Variants in LINGO2 observed in about 807,000 individuals in gnomAD.
LINGO2 encodes the protein leucine rich repeat and Ig domain containing 2.
LINGO2 carries 14 observed loss-of-function variants against 30.6 expected under a neutral mutation model. The ratio of observed to expected loss-of-function variants is 0.46; its 90% CI spans 0.30 to 0.72. The LOEUF is 0.72. Among genes scored for constraint, LINGO2 ranks in the 30% least tolerant of loss-of-function variants. The pLI is 0.07. For synonymous variants in LINGO2, 317 were observed against 288.5 expected, an observed-to-expected ratio of 1.10 and a Z score of -1.00; for missense variants, 729 against 751.7, an observed-to-expected ratio of 0.97 and a Z score of 0.35.
At chr9:28,380,811 GA>G (rs1171046961) in intron 2 of LINGO2, among the ~76,000 whole-genome samples, 2 of 152,044 alleles carry the variant, frequency 1.3e-5, no homozygotes, top group Non-Finnish European at 2.9e-5. Flanking sequence ...CTTAAAATAA[GA>G]ACATGGAACA....
chr9:28,345,383 A>G (rs942015800), intron 3 of LINGO2, among the ~76,000 whole-genome samples: 1 of 152,152 alleles, frequency 6.6e-6, no homozygotes, highest in African/African-American at 2.4e-5. Flanking sequence ...GAACTGAAAA[A>G]GTTTGAAAGC....
At chr9:29,052,195 G>T in the LINGO2 span, among the ~76,000 whole-genome samples, 1 of 151,860 alleles carries the variant, frequency 6.6e-6, no homozygotes, top group Non-Finnish European at 1.5e-5. Flanking sequence ...AAAAGAACTG[G>T]GTCTCAGAGT....
chr9:28,891,213 G>A, the LINGO2 span, among the ~76,000 whole-genome samples: 1 of 151,992 alleles, frequency 6.6e-6, no homozygotes, highest in South Asian at 2.1e-4. Flanking sequence ...TACAAGCAGA[G>A]ACCTGTATGT....
intron 1 of LINGO2, among the ~76,000 whole-genome samples, chr9:28,607,033 G>A (rs1235269504): frequency 2.0e-5 from 3 of 151,978 alleles, no homozygotes; most frequent in African/African-American, 2.4e-5. Flanking sequence ...ATTCAGTAAC[G>A]TCTTTAAAAT....
intron 4 of LINGO2, among the ~76,000 whole-genome samples, chr9:28,234,588 G>A (rs1449104781): frequency 6.6e-6 from 1 of 152,196 alleles, no homozygotes; most frequent in East Asian, 1.9e-4. Context: ...AATGGAAAGA[G>A]CAGACTTGCT....
intron 4 of LINGO2, among the ~76,000 whole-genome samples, chr9:28,062,081 A>G (rs943528648): frequency 1.3e-5 from 2 of 152,096 alleles, no homozygotes; most frequent in African/African-American, 4.8e-5. Context: ...GACAAGCCTG[A>G]TTAGGTCCAG....
intron 4 of LINGO2, among the ~76,000 whole-genome samples, chr9:28,035,686 G>A (rs1823897636): frequency 6.6e-6 from 1 of 152,106 alleles, no homozygotes; most frequent in Non-Finnish European, 1.5e-5. Context: ...AATGTCTTAG[G>A]GCACTAGAAT....
intron 1 of LINGO2, among the ~76,000 whole-genome samples, chr9:28,513,668 A>C (rs1820503949): frequency 6.6e-6 from 1 of 152,224 alleles, no homozygotes; most frequent in Non-Finnish European, 1.5e-5. Context: ...TTTGTAAAAA[A>C]TTCAGATATT....
chr9:29,189,271 G>A, the LINGO2 span, among the ~76,000 whole-genome samples: 1 of 150,404 alleles, frequency 6.6e-6, no homozygotes, highest in Non-Finnish European at 1.5e-5. Context: ...CTGGCGGGGG[G>A]CTGACCGCCA....
At chr9:28,680,216 C>T in the LINGO2 span, among the ~76,000 whole-genome samples, 55,792 of 151,844 alleles carry the variant, frequency 0.37, 11,541 homozygotes, top group African/African-American at 0.54. Context: ...TCATGATATA[C>T]TGGTATTTCT....
At chr9:29,205,465 T>C in the LINGO2 span, among the ~76,000 whole-genome samples, 17 of 152,338 alleles carry the variant, frequency 1.1e-4, no homozygotes, top group South Asian at 3.3e-3. Flanking sequence ...CCATTGCTAT[T>C]TATACTTGCT....
intron 1 of LINGO2, among the ~76,000 whole-genome samples, chr9:28,485,398 C>A (rs2135242110): frequency 6.6e-6 from 1 of 152,090 alleles, no homozygotes; most frequent in Admixed American, 6.6e-5. Flanking sequence ...GTAGATATAC[C>A]TACACCATAA....
At chr9:28,730,507 T>A in the LINGO2 span, among the ~76,000 whole-genome samples, 1,516 of 152,242 alleles carry the variant, frequency 1.0e-2, 29 homozygotes, top group African/African-American at 0.035. Flanking sequence ...TCTAAAAGGA[T>A]GAGAAGCAAA....
intron 4 of LINGO2, among the ~76,000 whole-genome samples, chr9:28,066,545 T>C (rs1177051193): frequency 6.6e-6 from 1 of 152,076 alleles, no homozygotes; most frequent in Non-Finnish European, 1.5e-5. Context: ...GGAATTCTTA[T>C]GAGGACTGAA....
chr9:28,928,433 T>A, the LINGO2 span, among the ~76,000 whole-genome samples: 2 of 152,186 alleles, frequency 1.3e-5, no homozygotes, highest in African/African-American at 4.8e-5. Flanking sequence ...TAGTTGACCC[T>A]TGAACAACAT....
chr9:28,442,541 T>C (rs567072775), intron 2 of LINGO2, among the ~76,000 whole-genome samples: 13 of 152,336 alleles, frequency 8.5e-5, no homozygotes, highest in African/African-American at 3.1e-4. Flanking sequence ...TGTTTCCTTC[T>C]TCAGTACTTA....
the LINGO2 span, among the ~76,000 whole-genome samples, chr9:28,766,804 GGGA>G: frequency 4.9e-5 from 5 of 101,328 alleles, no homozygotes; most frequent in Admixed American, 4.9e-4. Flanking sequence ...GAGAGAGAGA[GGGA>G]AGGAGAGAGA....
intron 4 of LINGO2, among the ~76,000 whole-genome samples, chr9:28,047,822 TA>T (rs1824494118): frequency 6.6e-6 from 1 of 150,762 alleles, no homozygotes; most frequent in Non-Finnish European, 1.5e-5. Flanking sequence ...CAGAAACCTA[TA>T]AATCTTCAGA....
chr9:29,096,321 T>C, the LINGO2 span, among the ~76,000 whole-genome samples: 1 of 139,684 alleles, frequency 7.2e-6, no homozygotes, highest in Admixed American at 7.3e-5. Context: ...AGTCTTACTC[T>C]GTTGCCCAGG....
Sources: allele counts gnomAD v4.1 joint callset (sites outside exome capture counted in the v4.1 genomes callset), GRCh38; gene constraint gnomAD v4.1.1; transcripts MANE v1.5; gene names NCBI Gene and HGNC (gene_info 2026-07-23, HGNC 2026-07-21).